Variants in CTNNA3 observed in about 807,000 individuals in gnomAD.
CTNNA3 encodes the protein catenin alpha 3.
Under a neutral mutation model 95.7 loss-of-function variants are expected in CTNNA3, and 76 were observed. The ratio of observed to expected loss-of-function variants is 0.79; its 90% CI spans 0.66 to 0.96. The LOEUF is 0.96. Among genes scored for constraint, CTNNA3 ranks in the 40% least tolerant of loss-of-function variants. The pLI is 0.00. For missense variants in CTNNA3, 1,191 were observed against 1,089.8 expected (o/e 1.09, Z -1.31); for synonymous variants, 431 against 374.4 (o/e 1.15, Z -1.74).
intron 3 of CTNNA3, among the ~76,000 whole-genome samples, chr10:67,587,301 G>A (rs10997737): frequency 0.13 from 19,809 of 150,428 alleles, 1,605 homozygotes; most frequent in South Asian, 0.3. Context: ...CTCAAGTGAT[G>A]CTACTGCTTA....
At chr10:67,706,044 T>C (rs529018282) in intron 1 of CTNNA3, among the ~76,000 whole-genome samples, 1 of 152,224 alleles carries the variant, frequency 6.6e-6, no homozygotes, top group Non-Finnish European at 1.5e-5. Flanking sequence ...ATGAATGGCA[T>C]GCAGGGGAGG....
At chr10:66,714,185 A>C (rs577316746) in intron 9 of CTNNA3, among the ~76,000 whole-genome samples, 28 of 152,112 alleles carry the variant, frequency 1.8e-4, no homozygotes, top group Non-Finnish European at 3.8e-4. Flanking sequence ...AACTTTTCCT[A>C]ATGGAGCTAG....
chr10:67,676,339 A>C (rs1401983960), intron 1 of CTNNA3, among the ~76,000 whole-genome samples: 1 of 152,194 alleles, frequency 6.6e-6, no homozygotes, highest in Non-Finnish European at 1.5e-5. Flanking sequence ...AAAGGAAAAA[A>C]GAAACTTTCA....
At chr10:67,385,474 T>C (rs1371018185) in intron 5 of CTNNA3, among the ~76,000 whole-genome samples, 2 of 152,206 alleles carry the variant, frequency 1.3e-5, no homozygotes, top group African/African-American at 4.8e-5. Flanking sequence ...CCCAGAATCT[T>C]TCAGTGATCA....
chr10:66,031,601 C>G (rs1423605168), intron 15 of CTNNA3, among the ~76,000 whole-genome samples: 1 of 152,096 alleles, frequency 6.6e-6, no homozygotes, highest in South Asian at 2.1e-4. Flanking sequence ...GAAAAACTAT[C>G]TACTGGGTAC....
chr10:66,489,004 A>T (rs1589322394), intron 11 of CTNNA3, among the ~76,000 whole-genome samples: 1 of 152,118 alleles, frequency 6.6e-6, no homozygotes, highest in South Asian at 2.1e-4. Flanking sequence ...AAAGTTGAAG[A>T]GGAGAGGGAT....
intron 5 of CTNNA3, among the ~76,000 whole-genome samples, chr10:67,474,674 A>G (rs957127828): frequency 6.6e-6 from 1 of 152,216 alleles, no homozygotes; most frequent in Non-Finnish European, 1.5e-5. Flanking sequence ...AAGATTATTA[A>G]CATAGTCATT....
At chr10:67,469,209 T>C (rs1847720665) in intron 5 of CTNNA3, among the ~76,000 whole-genome samples, 1 of 152,166 alleles carries the variant, frequency 6.6e-6, no homozygotes, top group Admixed American at 6.5e-5. Context: ...AGACATACAG[T>C]GTTATTCATT....
At chr10:66,923,371 CCTCCTGGAGTGGCT>C (rs1432930034) in intron 7 of CTNNA3, among the ~76,000 whole-genome samples, 2 of 152,160 alleles carry the variant, frequency 1.3e-5, no homozygotes, top group Non-Finnish European at 2.9e-5. Flanking sequence ...GGTCCTCCAG[CCTCCTGGAGTGGCT>C]CTCTGCAGCT....
In CTNNA3 at chr10:66,785,071, G is replaced by T. The variant is rs143841427; in HGVS notation, c.1048-9547C>A. Among the ~76,000 whole-genome samples the T allele has an allele frequency of 6.0e-4, 92 of 152,282 alleles. 3 individuals carry two copies. The East Asian group carries it at 0.011, about 18-fold the overall frequency. ...TTATGCTAAAGACAGCTGGTCTGGG[G>T]TCACCTTGTTTTTTTGTTTGTTTGT... On this transcript the variant is annotated intron_variant, in intron 7 of 17. Transcript: ENST00000433211.
At chr10:66,706,776 C>A (rs1848132543) in intron 9 of CTNNA3, among the ~76,000 whole-genome samples, 1 of 151,834 alleles carries the variant, frequency 6.6e-6, no homozygotes, top group South Asian at 2.1e-4. Context: ...GGGAGGGGGT[C>A]ACAACAGCTT....
chr10:66,061,443 A>G (rs542743934), intron 15 of CTNNA3, among the ~76,000 whole-genome samples: 14 of 152,188 alleles, frequency 9.2e-5, no homozygotes, highest in African/African-American at 2.4e-4. Context: ...TGAGTCTCCA[A>G]CTGTGGCCGG....
chr10:66,456,205 T>C (rs1003578423), intron 11 of CTNNA3, among the ~76,000 whole-genome samples: 3 of 152,106 alleles, frequency 2.0e-5, no homozygotes, highest in African/African-American at 7.2e-5. Flanking sequence ...AATATGGAAA[T>C]TCAAAGGAAT....
rs74783363 is a variant in CTNNA3 at position 66,462,647 on chromosome 10, C to T, written c.1531+57970G>A. ...ACATTTCTTGAGGACTTATTAGCTC[C>T]CAGTGTATATGTTAAGCATCTTACA... is the stretch of plus-strand genomic sequence containing the variant. On this transcript the variant is annotated intron_variant, in intron 11 of 17. Coordinates refer to ENST00000433211, the MANE Select transcript of CTNNA3 (RefSeq NM_013266.4). Among the ~76,000 whole-genome samples the T allele has an allele frequency of 2.5e-3, 382 of 152,102 alleles. 5 individuals are homozygous for T. Among genetic ancestry groups the T allele is most frequent in the East Asian group, 3.5e-3 (18 of 5,176 alleles).
At chr10:67,500,358 T>C (rs1005394109) in intron 5 of CTNNA3, among the ~76,000 whole-genome samples, 7 of 152,204 alleles carry the variant, frequency 4.6e-5, no homozygotes, top group Non-Finnish European at 8.8e-5. Flanking sequence ...AATTATGTGG[T>C]CAATTTTAGA....
intron 11 of CTNNA3, among the ~76,000 whole-genome samples, chr10:66,381,743 G>T (rs2092840339): frequency 6.6e-6 from 1 of 151,932 alleles, no homozygotes; most frequent in Non-Finnish European, 1.5e-5. Flanking sequence ...ATTAACTAGG[G>T]CTTTAACCTA....
intron 5 of CTNNA3, among the ~76,000 whole-genome samples, chr10:67,375,198 A>T (rs1843641920): frequency 2.0e-5 from 3 of 152,224 alleles, no homozygotes; most frequent in Admixed American, 2.0e-4. Context: ...ACAAGTTTTT[A>T]ATGGTAAACA....
At chr10:66,453,027 A>G (rs892909718) in intron 11 of CTNNA3, among the ~76,000 whole-genome samples, 2 of 150,518 alleles carry the variant, frequency 1.3e-5, no homozygotes, top group Non-Finnish European at 2.9e-5. Flanking sequence ...CATCCTGGCT[A>G]ACACGGTGAA....
intron 5 of CTNNA3, among the ~76,000 whole-genome samples, chr10:67,372,265 C>T (rs1343785361): frequency 1.3e-5 from 2 of 152,054 alleles, no homozygotes; most frequent in East Asian, 1.9e-4. Flanking sequence ...GCTTTTGTTG[C>T]CATTGCTTTT....
Sources: allele counts gnomAD v4.1 joint callset (sites outside exome capture counted in the v4.1 genomes callset), GRCh38; gene constraint gnomAD v4.1.1; transcripts MANE v1.5; gene names NCBI Gene and HGNC (gene_info 2026-07-23, HGNC 2026-07-21).